The following H3C3 variants were observed in gnomAD, a reference collection of about 807,000 sequenced individuals.
H3C3 encodes histone H3.1.
H3C3 carries 14 observed loss-of-function variants against 7.7 expected under a neutral mutation model. The observed-to-expected ratio is 1.81, with a 90% CI of 1.20 to 2.83. H3C3 has a LOEUF of 2.83. Among genes scored for constraint, H3C3 ranks in the 30% most tolerant of loss-of-function variants. The probability of loss-of-function intolerance (pLI) is 0.00; values close to 1 mark genes in which losing one functional copy is unlikely to be tolerated. For missense variants in H3C3, 205 were observed against 191.2 expected (o/e 1.07, Z -0.43); for synonymous variants, 178 against 77.1 (o/e 2.31, Z -6.86).
At position 26,045,833 on chromosome 6, in the gene H3C3, T is replaced by G. The variant is rs368974436; in HGVS notation, c.*12T>G. ...GGGAAAGGGCATAAGTCTGCCCGTT[T>G]CTTCCTCATTGAAAAGGCTCTTTTC... On this transcript the variant is annotated 3_prime_UTR_variant, in exon 1 of 1. Coordinates refer to ENST00000612966, the MANE Select transcript of H3C3 (RefSeq NM_003531.3). 1.2e-6 allele frequency: 2 copies of G among 1,609,528 alleles called. No individual in the cohort carries two copies. Among genetic ancestry groups the G allele is most frequent in the Non-Finnish European group, 1.7e-6 (2 of 1,178,710 alleles).
In H3C3 at chr6:26,045,765, A is replaced by G; in HGVS notation, c.355A>G (p.Thr119Ala). The G allele has an allele frequency of 6.2e-7, 1 of 1,614,232 alleles. No individual in the cohort carries two copies. The highest frequency in any genetic ancestry group is 8.5e-7 in the Non-Finnish European group (1 of 1,180,022). ...NLCAIHAKRVTIMPKDIQLAR... is the reference protein window; with the variant it reads ...NLCAIHAKRVAIMPKDIQLAR... ...GTGCGCTATTCACGCTAAACGCGTC[A>G]CCATCATGCCCAAAGATATCCAGCT... The change falls in exon 1 of 1, where the codon ACC becomes GCC. Residue 119 changes from threonine to alanine, a missense_variant. Physicochemically the swap from Thr to Ala is moderately conservative, Grantham distance 58. Transcript: ENST00000612966.
In H3C3 at chr6:26,045,609, C is replaced by T. The variant is rs955045739; in HGVS notation, c.199C>T (p.Pro67Ser). 4.3e-6 allele frequency: 7 copies of T among 1,614,142 alleles called. No individual in the cohort carries two copies. The highest frequency in any genetic ancestry group is 3.3e-5 in the Admixed American group (2 of 60,012). Residue 67 changes from proline to serine, a missense_variant, in exon 1 of 1, where the codon CCG becomes TCG. Transcript: ENST00000612966. ...CACCGAGCTGCTGATCCGGAAGCTG[C>T]CGTTCCAGCGCCTGGTGCGAGAAAT... ...KSTELLIRKLPFQRLVREIAQ... is the reference protein window; with the variant it reads ...KSTELLIRKLSFQRLVREIAQ...
In H3C3 at chr6:26,045,720, C is replaced by T; in HGVS notation, c.310C>T (p.Leu104Phe). The T allele has an allele frequency of 6.2e-7, 1 of 1,614,242 alleles. No homozygotes were observed. Among genetic ancestry groups the T allele is most frequent in the Non-Finnish European group, 8.5e-7 (1 of 1,180,038 alleles). ...QEACEAYLVG[L>F]FEDTNLCAIH... is the part of the protein sequence containing the mutation. ...GGCTTGTGAGGCCTACCTGGTGGGA[C>T]TCTTCGAAGACACCAATCTGTGCGC... The change falls in exon 1 of 1, where the codon CTC becomes TTC. Residue 104 changes from leucine (L) to phenylalanine (F), a missense_variant. Transcript: ENST00000612966.
rs983273765 is a variant in H3C3, at chr6:26,045,635, C to T, written c.225C>T (p.Ile75=). ...KLPFQRLVRE[I]AQDFKTDLRF... ...CGTTCCAGCGCCTGGTGCGAGAAAT[C>T]GCCCAGGACTTCAAAACCGACCTGC... The change falls in exon 1 of 1, where the codon ATC becomes ATT. Residue 75 remains isoleucine (I), a synonymous_variant. Coordinates refer to ENST00000612966, the MANE Select transcript of H3C3 (RefSeq NM_003531.3). 5 of 1,614,140 alleles carry T rather than the reference C, an allele frequency of 3.1e-6. No individual in the cohort carries two copies. The highest frequency in any genetic ancestry group is 2.7e-5 in the African/African-American group (2 of 74,950).
chr6:26,045,552 G>C lies in H3C3; in HGVS notation c.142G>C (p.Ala48Pro). 1 of 1,614,112 alleles carries C rather than the reference G, an allele frequency of 6.2e-7. No homozygotes were observed. The highest frequency in any genetic ancestry group is 2.2e-5 in the East Asian group (1 of 44,890). ...KPHRYRPGTV[A>P]LREIRRYQKS... is the part of the protein sequence containing the mutation. ...TCATCGCTACCGCCCGGGCACCGTG[G>C]CCTTGCGCGAAATCCGTCGCTACCA... Residue 48 changes from alanine (A) to proline (P), a missense_variant, in exon 1 of 1, where the codon GCC (alanine) becomes CCC (proline). Ala to Pro is a conservative substitution (Grantham distance 27). Transcript: ENST00000612966.
In H3C3 at chr6:26,045,690, C is replaced by T. The variant is rs1331083709; in HGVS notation, c.280C>T (p.Gln94Ter). The change falls in exon 1 of 1, where the codon CAG (glutamine) becomes TAG (stop). Residue 94 changes from glutamine (Q) to a stop codon, truncating the protein, a stop_gained. Coordinates refer to ENST00000612966, the MANE Select transcript of H3C3 (RefSeq NM_003531.3). LOFTEE classifies it high-confidence loss of function. ...RFQSSAVMAL[Q>*]EACEAYLVGL... is the part of the protein sequence containing the mutation. Reference sequence around the variant, plus strand: ...CCAGAGCTCTGCGGTGATGGCGCTGCAGGAGGCTTGTGAGGCCTACCTGGT... The same window carrying T: ...CCAGAGCTCTGCGGTGATGGCGCTGTAGGAGGCTTGTGAGGCCTACCTGGT... 2 of 1,614,228 alleles carry T rather than the reference C, an allele frequency of 1.2e-6. No individual in the cohort carries two copies. Among genetic ancestry groups the T allele is most frequent in the Non-Finnish European group, 1.7e-6 (2 of 1,180,036 alleles).
Position 26,045,813 on chromosome 6 carries a change from A to G in H3C3, c.403A>G (p.Arg135Gly), listed in dbSNP as rs1761739742. The change falls in exon 1 of 1, where the codon AGG becomes GGG. Residue 135 changes from arginine to glycine, a missense_variant. By Grantham distance (125) the Arg-to-Gly change is moderately radical. Transcript: ENST00000612966. ...IQLARRIRGERA is the reference protein window; with the variant it reads ...IQLARRIRGEGA ...GCTGGCACGTCGCATCCGTGGGGAA[A>G]GGGCATAAGTCTGCCCGTTTCTTCC... The G allele has an allele frequency of 5.0e-6, 8 of 1,613,978 alleles. No individual in the cohort carries two copies. The highest frequency in any genetic ancestry group is 5.9e-6 in the Non-Finnish European group (7 of 1,179,988).
chr6:26,045,598 TC>T lies in H3C3; in HGVS notation c.190del (p.Arg64GlyfsTer27), dbSNP rs1761730734. On this transcript the variant is annotated frameshift_variant, in exon 1 of 1. Coordinates refer to ENST00000612966, the MANE Select transcript of H3C3 (RefSeq NM_003531.3). LOFTEE classifies it high-confidence loss of function. ...TACCAGAAGTCCACCGAGCTGCTGA[TC>T]CGGAAGCTGCCGTTCCAGCGCCTGG... Reference protein sequence around the residue: ...RRYQKSTELLIRKLPFQRLVR... With the variant: ...RRYQKSTELLXRKLPFQRLVR... 1 of 1,614,276 alleles carries T rather than the reference TC, an allele frequency of 6.2e-7. No homozygotes were observed. Among genetic ancestry groups the T allele is most frequent in the Non-Finnish European group, 8.5e-7 (1 of 1,180,048 alleles).
chr6:26,045,662 T>A lies in H3C3; in HGVS notation c.252T>A (p.Arg84=), dbSNP rs375603729. ...EIAQDFKTDL[R]FQSSAVMALQ... ...CCCAGGACTTCAAAACCGACCTGCG[T>A]TTCCAGAGCTCTGCGGTGATGGCGC... The change falls in exon 1 of 1, where the codon CGT becomes CGA. Residue 84 remains arginine, a synonymous_variant. Coordinates refer to ENST00000612966, the MANE Select transcript of H3C3 (RefSeq NM_003531.3). 1.7e-5 allele frequency: 28 copies of A among 1,614,114 alleles called. No individual in the cohort carries two copies. Among genetic ancestry groups the A allele is most frequent in the Non-Finnish European group, 2.3e-5 (27 of 1,180,060 alleles).
rs1376372933 is a variant in H3C3, at chr6:26,045,475, C to G, written c.65C>G (p.Ala22Gly). ...TGGKAPRKQL[A>G]TKAARKSAPA... ...GGCAAAGCTCCGCGCAAGCAGCTTG[C>G]TACTAAAGCAGCCCGTAAGAGCGCT... The change falls in exon 1 of 1, where the codon GCT (alanine) becomes GGT (glycine). Residue 22 changes from alanine (A) to glycine (G), a missense_variant. Physicochemically the swap from Ala to Gly is moderately conservative, Grantham distance 60. Transcript: ENST00000612966. 6.2e-7 allele frequency: 1 copy of G among 1,611,848 alleles called. No homozygotes were observed. Among genetic ancestry groups the G allele is most frequent in the South Asian group, 1.1e-5 (1 of 90,908 alleles).
chr6:26,045,422 G>A lies in H3C3; in HGVS notation c.12G>A (p.Thr4=), dbSNP rs770888546. The part of the protein sequence containing the change: MAR[T]KQTARKSTGG... Reference sequence around the variant, plus strand: ...TGCTCTCATTGCAAATGGCTCGTACGAAGCAAACAGCTCGCAAGTCTACCG... The same window carrying A: ...TGCTCTCATTGCAAATGGCTCGTACAAAGCAAACAGCTCGCAAGTCTACCG... The change falls in exon 1 of 1, where the codon ACG becomes ACA. Residue 4 remains threonine, a synonymous_variant. Transcript: ENST00000612966. 4.4e-6 allele frequency: 7 copies of A among 1,607,540 alleles called. No homozygotes were observed. The highest frequency in any genetic ancestry group is 3.5e-5 in the Admixed American group (2 of 57,050).
chr6:26,045,656 C>T lies in H3C3; in HGVS notation c.246C>T (p.Asp82=), dbSNP rs753651183. ...VREIAQDFKT[D]LRFQSSAVMA... ...AAATCGCCCAGGACTTCAAAACCGA[C>T]CTGCGTTTCCAGAGCTCTGCGGTGA... The change falls in exon 1 of 1, where the codon GAC becomes GAT. Residue 82 remains aspartate (D), a synonymous_variant. Coordinates refer to ENST00000612966, the MANE Select transcript of H3C3 (RefSeq NM_003531.3). The T allele has an allele frequency of 3.2e-5, 52 of 1,614,122 alleles. No individual in the cohort carries two copies. Among genetic ancestry groups the T allele is most frequent in the Middle Eastern group, 1.6e-4 (1 of 6,084 alleles).
chr6:26,045,585 A>C lies in H3C3; in HGVS notation c.175A>C (p.Thr59Pro). The part of the protein sequence containing the change: ...LREIRRYQKS[T>P]ELLIRKLPFQ... ...CGAAATCCGTCGCTACCAGAAGTCC[A>C]CCGAGCTGCTGATCCGGAAGCTGCC... Residue 59 changes from threonine to proline, a missense_variant, in exon 1 of 1, where the codon ACC (threonine) becomes CCC (proline). Coordinates refer to ENST00000612966, the MANE Select transcript of H3C3 (RefSeq NM_003531.3). 6.2e-7 allele frequency: 1 copy of C among 1,614,232 alleles called. No individual in the cohort carries two copies. Among genetic ancestry groups the C allele is most frequent in the Non-Finnish European group, 8.5e-7 (1 of 1,180,032 alleles).
At position 26,045,670 on chromosome 6, in the gene H3C3, G is replaced by A. The variant is rs771458123; in HGVS notation, c.260G>A (p.Ser87Asn). ...TTCAAAACCGACCTGCGTTTCCAGA[G>A]CTCTGCGGTGATGGCGCTGCAGGAG... ...QDFKTDLRFQ[S>N]SAVMALQEAC... The change falls in exon 1 of 1, where the codon AGC (serine) becomes AAC (asparagine). Residue 87 changes from serine (S) to asparagine (N), a missense_variant. Physicochemically the swap from Ser to Asn is conservative, Grantham distance 46 (BLOSUM62 1). Transcript: ENST00000612966. 9 of 1,614,116 alleles carry A rather than the reference G, an allele frequency of 5.6e-6. No homozygotes were observed. Among genetic ancestry groups the A allele is most frequent in the African/African-American group, 2.7e-5 (2 of 74,932 alleles).
rs757822454 is a variant in H3C3, at chr6:26,045,506, C to T, written c.96C>T (p.Ala32=). Residue 32 remains alanine (A), a synonymous_variant, in exon 1 of 1, where the codon GCC becomes GCT. Transcript: ENST00000612966. ...AAGCAGCCCGTAAGAGCGCTCCGGC[C>T]ACCGGTGGCGTGAAGAAACCTCATC... ...ATKAARKSAP[A]TGGVKKPHRY... 1.2e-5 allele frequency: 20 copies of T among 1,613,248 alleles called. No homozygotes were observed. The highest frequency in any genetic ancestry group is 1.2e-4 in the South Asian group (11 of 91,050).
chr6:26,045,660 C>T lies in H3C3; in HGVS notation c.250C>T (p.Arg84Cys). ...EIAQDFKTDL[R>C]FQSSAVMALQ... ...CGCCCAGGACTTCAAAACCGACCTG[C>T]GTTTCCAGAGCTCTGCGGTGATGGC... Residue 84 changes from arginine to cysteine, a missense_variant, in exon 1 of 1, where the codon CGT becomes TGT. By Grantham distance (180) the Arg-to-Cys change is radical. Coordinates refer to ENST00000612966, the MANE Select transcript of H3C3 (RefSeq NM_003531.3). 1 of 1,614,238 alleles carries T rather than the reference C, an allele frequency of 6.2e-7. No homozygotes were observed. The highest frequency in any genetic ancestry group is 8.5e-7 in the Non-Finnish European group (1 of 1,180,044).
In H3C3 at chr6:26,045,497, C is replaced by T. The variant is rs761154978; in HGVS notation, c.87C>T (p.Ser29=). The change falls in exon 1 of 1, where the codon AGC becomes AGT. Residue 29 remains serine, a synonymous_variant. Transcript: ENST00000612966. ...TTGCTACTAAAGCAGCCCGTAAGAGCGCTCCGGCCACCGGTGGCGTGAAGA... is the reference window on the plus strand; with the variant it reads ...TTGCTACTAAAGCAGCCCGTAAGAGTGCTCCGGCCACCGGTGGCGTGAAGA... The part of the protein sequence containing the change: ...KQLATKAARK[S]APATGGVKKP... 13 of 1,612,756 alleles carry T rather than the reference C, an allele frequency of 8.1e-6. No homozygotes were observed. Among genetic ancestry groups the T allele is most frequent in the Middle Eastern group, 1.6e-4 (1 of 6,074 alleles).
Position 26,045,505 on chromosome 6 carries a change from C to T in H3C3, c.95C>T (p.Ala32Val), listed in dbSNP as rs570343303. 9.9e-6 allele frequency: 16 copies of T among 1,613,076 alleles called. No homozygotes were observed. Among genetic ancestry groups the T allele is most frequent in the East Asian group, 2.2e-5 (1 of 44,882 alleles). Residue 32 changes from alanine (A) to valine (V), a missense_variant, in exon 1 of 1, where the codon GCC becomes GTC. Ala to Val is a moderately conservative substitution (Grantham distance 64). Transcript: ENST00000612966. ...AAAGCAGCCCGTAAGAGCGCTCCGG[C>T]CACCGGTGGCGTGAAGAAACCTCAT... ...ATKAARKSAPATGGVKKPHRY... is the reference protein window; with the variant it reads ...ATKAARKSAPVTGGVKKPHRY...
rs780501933 is a variant in H3C3 at position 26,045,733 on chromosome 6, C to T, written c.323C>T (p.Thr108Ile). ...EAYLVGLFED[T>I]NLCAIHAKRV... ...TACCTGGTGGGACTCTTCGAAGACA[C>T]CAATCTGTGCGCTATTCACGCTAAA... is the stretch of plus-strand genomic sequence containing the variant. The change falls in exon 1 of 1, where the codon ACC becomes ATC. Residue 108 changes from threonine (T) to isoleucine (I), a missense_variant. By Grantham distance (89) the Thr-to-Ile change is moderately conservative. Transcript: ENST00000612966. The T allele has an allele frequency of 2.5e-6, 4 of 1,614,238 alleles. No homozygotes were observed. In the South Asian group the frequency reaches 3.3e-5, roughly 13 times the overall value.
Sources: gnomAD v4.1 joint callset for allele counts on GRCh38, gnomAD v4.1.1 for gene constraint, MANE v1.5 for transcripts, NCBI Gene and HGNC (gene_info 2026-07-23, HGNC 2026-07-21) for gene names.